The following EVI5L variants were observed in gnomAD, a reference collection of about 807,000 sequenced individuals.
The protein encoded by EVI5L is EVI5-like protein.
Under a neutral mutation model 106.1 loss-of-function variants are expected in EVI5L, and 30 were observed. That is an observed-to-expected ratio of 0.28 (90% CI 0.21 to 0.38). The LOEUF (loss-of-function observed/expected upper bound fraction) is 0.38, where lower values mean the gene tolerates loss of function less well. Ranked by LOEUF, EVI5L falls within the 10% of genes least tolerant of loss-of-function variation. EVI5L has a pLI of 1.00. For synonymous variants in EVI5L, 489 were observed against 483.3 expected (o/e 1.01, Z -0.15); for missense variants, 809 against 1,098.0 (o/e 0.74, Z 3.72).
rs117907840 is a variant in EVI5L at position 7,850,794 on chromosome 19, G to C, written c.754-640G>C. On this transcript the variant is annotated intron_variant, in intron 6 of 19. Transcript: ENST00000538904. The surrounding 1 kb of genome is among the most constrained non-coding windows in gnomAD (Gnocchi z 5.4). ...GCAGAGAAGGCACCACCCCACCTCA[G>C]GCTGGGTAGCAGAGCCCTCCCACAG... 0.023 allele frequency among the ~76,000 whole-genome samples: 3,427 copies of C among 152,234 alleles called. 63 individuals are homozygous for C. Among genetic ancestry groups the C allele is most frequent in the Non-Finnish European group, 0.034 (2,292 of 67,996 alleles).
At chr19:7,852,730 C>G in intron 8 of EVI5L, 1 of 174,432 alleles carries the variant, frequency 5.7e-6, no homozygotes, top group Non-Finnish European at 1.1e-5. Flanking sequence ...TTTTTTTTTT[C>G]AGAAATGGGG....
At chr19:7,860,785 C>T in intron 14 of EVI5L, 96 bp downstream of exon 14, 2 of 1,368,792 alleles carry the variant, frequency 1.5e-6, no homozygotes, top group South Asian at 1.4e-5. Context: ...GTCAGAATCC[C>T]CCACCCCCAT....
chr19:7,864,012 G>T lies in EVI5L; in HGVS notation c.*310G>T, dbSNP rs1375663371. The stretch of plus-strand genomic sequence containing the variant: ...CTTAACAGGAGGGCAGAGGGCAGGG[G>T]ACAGACGACCCAGAGGTCCCAGCAC... On this transcript the variant is annotated 3_prime_UTR_variant, in exon 20 of 20. Transcript: ENST00000538904. This position sits in a 1 kb window ranked among gnomAD's most constrained non-coding sequence, Gnocchi z 4.5. The T allele has an allele frequency of 5.6e-6, 2 of 359,376 alleles. No homozygotes were observed. The highest frequency in any genetic ancestry group is 4.2e-5 in the African/African-American group (2 of 47,088). The allele number at this position is 359,376 out of a possible 1,614,324, so 22.3% of individuals were successfully genotyped here.
Position 7,857,028 on chromosome 19 carries a change from C to A in EVI5L, c.1201-64C>A, listed in dbSNP as rs962185950. On this transcript the variant is annotated intron_variant, in intron 11 of 19. Transcript: ENST00000538904. This position sits in a 1 kb window ranked among gnomAD's most constrained non-coding sequence, Gnocchi z 4.5. ...AGTGGTTCTTGTCTGTCTCCCCTCTCCTGTCCCCGCGCCTTCCGCTCTGCC... is the reference window on the plus strand; with the variant it reads ...AGTGGTTCTTGTCTGTCTCCCCTCTACTGTCCCCGCGCCTTCCGCTCTGCC... 3 of 1,530,460 alleles carry A rather than the reference C, an allele frequency of 2.0e-6. No individual in the cohort carries two copies. The highest frequency in any genetic ancestry group is 2.4e-5 in the South Asian group (2 of 83,676). 94.8% of individuals were successfully genotyped at this position (1,530,460 alleles called of 1,614,324 possible). A position where few individuals can be genotyped will look rare whatever the true frequency, so the allele number is the denominator to read the frequency against.
chr19:7,849,366 C>T (rs1228660647), intron 5 of EVI5L, 36 bp downstream of exon 5: 4 of 1,609,782 alleles, frequency 2.5e-6, no homozygotes, highest in African/African-American at 1.3e-5. Flanking sequence ...TCCTGCCAGA[C>T]AACAGCCCAC....
intron 15 of EVI5L, 22 bp from the exon 16 acceptor site, chr19:7,862,100 G>A (rs773894260): frequency 5.5e-5 from 85 of 1,553,838 alleles, no homozygotes; most frequent in Non-Finnish European, 7.4e-5. Flanking sequence ...CTGACCGCCG[G>A]CTTCTCGGCT....
At chr19:7,860,815 T>C (rs1979764682) in intron 14 of EVI5L, 126 bp downstream of exon 14, 2 of 1,143,190 alleles carry the variant, frequency 1.7e-6, no homozygotes, top group African/African-American at 1.6e-5. Context: ...ACCATACATA[T>C]GCACACACAC....
intron 1 of EVI5L, among the ~76,000 whole-genome samples, chr19:7,833,863 A>G (rs530317722): frequency 1.3e-5 from 2 of 152,314 alleles, no homozygotes; most frequent in African/African-American, 4.8e-5. Context: ...CAGCCCGGGC[A>G]ATAGAAGGAA....
intron 10 of EVI5L, among the ~76,000 whole-genome samples, chr19:7,854,003 C>T (rs753972164): frequency 5.3e-5 from 8 of 152,114 alleles, no homozygotes; most frequent in South Asian, 2.1e-4. Context: ...CATTTATTGC[C>T]GGGCGCGATG....
In EVI5L at chr19:7,833,046, G is replaced by T. The variant is rs576557437; in HGVS notation, c.-48+2665G>T. Among the ~76,000 whole-genome samples, 7 of 152,248 alleles carry T rather than the reference G, an allele frequency of 4.6e-5. No individual in the cohort carries two copies. The South Asian group carries it at 1.5e-3, about 32-fold the overall frequency. Reference sequence around the variant, plus strand: ...TGTGCAGAGACAGTGGGGTATGAAGGCTTCCCAGGATGACTGTGAACTCTA... The same window carrying T: ...TGTGCAGAGACAGTGGGGTATGAAGTCTTCCCAGGATGACTGTGAACTCTA... On this transcript the variant is annotated intron_variant, in intron 1 of 19. Coordinates refer to ENST00000538904, the MANE Select transcript of EVI5L (RefSeq NM_001159944.3).
At position 7,858,364 on chromosome 19, in the gene EVI5L, G is replaced by A; in HGVS notation, c.1374+33G>A. On this transcript the variant is annotated intron_variant, in intron 13 of 19. Coordinates refer to ENST00000538904, the MANE Select transcript of EVI5L (RefSeq NM_001159944.3). The surrounding 1 kb of genome is among the most constrained non-coding windows in gnomAD (Gnocchi z 5.7). The stretch of plus-strand genomic sequence containing the variant: ...CGGGTGTGCGGGGCTGCTGGGCGGG[G>A]CCATGACCCGCGCCCCCGCCCCCGC... 1 of 1,523,058 alleles carries A rather than the reference G, an allele frequency of 6.6e-7. No individual in the cohort carries two copies. The highest frequency in any genetic ancestry group is 8.8e-7 in the Non-Finnish European group (1 of 1,138,404). 94.3% of individuals were successfully genotyped at this position (1,523,058 alleles called of 1,614,324 possible). A position where few individuals can be genotyped will look rare whatever the true frequency, so the allele number is the denominator to read the frequency against.
In EVI5L at chr19:7,856,927, G is replaced by A; in HGVS notation, c.1201-165G>A. ...TGGCTCTAGCTTTGGTCTTCCTCCG[G>A]GTCCTCTCCTGCTGGTTCTCTGGTC... On this transcript the variant is annotated intron_variant, in intron 11 of 19. Coordinates refer to ENST00000538904, the MANE Select transcript of EVI5L (RefSeq NM_001159944.3). This position sits in a 1 kb window ranked among gnomAD's most constrained non-coding sequence, Gnocchi z 6.6. 1 of 764,014 alleles carries A rather than the reference G, an allele frequency of 1.3e-6. No individual in the cohort carries two copies. Among genetic ancestry groups the A allele is most frequent in the Middle Eastern group, 2.2e-4 (1 of 4,482 alleles). 47.3% of individuals were successfully genotyped at this position (764,014 alleles called of 1,614,324 possible). A position where few individuals can be genotyped will look rare whatever the true frequency, so the allele number is the denominator to read the frequency against.
intron 1 of EVI5L, among the ~76,000 whole-genome samples, chr19:7,842,717 AGTAT>A (rs1174871046): frequency 6.6e-6 from 1 of 151,162 alleles, no homozygotes; most frequent in Non-Finnish European, 1.5e-5. Flanking sequence ...GATGTGCACG[AGTAT>A]GTGTGTATTG....
In EVI5L at chr19:7,860,823, C is replaced by T. The variant is rs1051088057; in HGVS notation, c.1503+134C>T. On this transcript the variant is annotated intron_variant, in intron 14 of 19. Coordinates refer to ENST00000538904, the MANE Select transcript of EVI5L (RefSeq NM_001159944.3). ...ACACACAACCATACATATGCACACA[C>T]ACAGCACAACCCCACGCGGGGCATG... 19 of 1,083,780 alleles carry T rather than the reference C, an allele frequency of 1.8e-5. No homozygotes were observed. The Admixed American group carries it at 5.4e-4, about 31-fold the overall frequency. The allele number at this position is 1,083,780 out of a possible 1,614,324, so 67.1% of individuals were successfully genotyped here.
At chr19:7,862,740 A>ACG in intron 17 of EVI5L, among the ~76,000 whole-genome samples, 1 of 23,184 alleles carries the variant, frequency 4.3e-5, no homozygotes, top group South Asian at 1.4e-3. Context: ...CCTCCTGACC[A>ACG]CCCCCCCCCG....
At chr19:7,860,789 C>A (rs1979763602) in intron 14 of EVI5L, 100 bp downstream of exon 14, 2 of 1,323,962 alleles carry the variant, frequency 1.5e-6, no homozygotes, top group African/African-American at 1.5e-5. Context: ...GAATCCCCCA[C>A]CCCCATGCAC....
At chr19:7,862,327 C>T in intron 16 of EVI5L, 50 bp downstream of exon 16, 1 of 1,583,234 alleles carries the variant, frequency 6.3e-7, no homozygotes, top group East Asian at 2.3e-5. Context: ...TGTCCGTGGC[C>T]AGCCCCTGAG....
rs762642586 is a variant in EVI5L, at chr19:7,846,540, A to C, written c.-3A>C. 6.2e-7 allele frequency: 1 copy of C among 1,606,888 alleles called. No homozygotes were observed. Among genetic ancestry groups the C allele is most frequent in the African/African-American group, 1.3e-5 (1 of 74,494 alleles). ...CCGCTCACGGCTAACAAGCCCACCC[A>C]CCATGGCGAGCCCCACTCTGAGCCC... On this transcript the variant is annotated 5_prime_UTR_variant, in exon 2 of 20. Transcript: ENST00000538904.
intron 8 of EVI5L, chr19:7,852,718 A>ATTTTTT: frequency 4.7e-6 from 1 of 212,774 alleles, no homozygotes; most frequent in Non-Finnish European, 9.5e-6. Flanking sequence ...TGTCCAGCTA[A>ATTTTTT]TTTTTTTTTT....
Sources: gnomAD v4.1 joint callset for allele counts (sites outside exome capture counted in the v4.1 genomes callset) on GRCh38, gnomAD v4.1.1 for gene constraint, Gnocchi (gnomAD v3.1) non-coding constraint, MANE v1.5 for transcripts, NCBI Gene and HGNC (gene_info 2026-07-23, HGNC 2026-07-21) for gene names.